Variants in RHBDD1 observed in about 807,000 individuals in gnomAD.
The protein encoded by RHBDD1 is rhomboid-related protein 4.
Under a neutral mutation model 36.3 loss-of-function variants are expected in RHBDD1, and 38 were observed. That is an observed-to-expected ratio of 1.05 (90% CI 0.81 to 1.37). RHBDD1 has a LOEUF of 1.37. RHBDD1 is among the 40% of genes most tolerant of loss of function. RHBDD1 has a pLI of 0.00. For synonymous variants in RHBDD1, 151 were observed against 136.5 expected (o/e 1.11, Z -0.74); for missense variants, 393 against 377.6 (o/e 1.04, Z -0.34).
intron 5 of RHBDD1, among the ~76,000 whole-genome samples, chr2:226,889,834 G>C (rs569420155): frequency 2.6e-4 from 40 of 152,212 alleles, no homozygotes; most frequent in Admixed American, 7.2e-4. Context: ...ACACTTTTTT[G>C]AGTGCCACTC....
intron 5 of RHBDD1, among the ~76,000 whole-genome samples, chr2:226,874,048 A>G (rs942805029): frequency 6.6e-6 from 1 of 152,154 alleles, no homozygotes; most frequent in African/African-American, 2.4e-5. Context: ...GGGAAGTACC[A>G]GACACTTATC....
chr2:226,812,647 C>CTCTCTTTTT, the RHBDD1 span, among the ~76,000 whole-genome samples: 1 of 150,398 alleles, frequency 6.6e-6, no homozygotes, highest in East Asian at 2.0e-4. Flanking sequence ...CTCTCTCTCT[C>CTCTCTTTTT]TTTTTTTTTG....
chr2:226,989,240 A>G (rs1352038525), intron 8 of RHBDD1, among the ~76,000 whole-genome samples: 10 of 152,374 alleles, frequency 6.6e-5, no homozygotes, highest in African/African-American at 2.4e-4. Context: ...GAAACCACTT[A>G]TAACAATGTG....
chr2:226,996,305 G>T lies in RHBDD1; in HGVS notation c.*783G>T, dbSNP rs1394087557. 1 of 152,242 alleles carries T rather than the reference G, an allele frequency of 6.6e-6. No individual in the cohort carries two copies. Among genetic ancestry groups the T allele is most frequent in the Admixed American group, 6.5e-5 (1 of 15,282 alleles). The allele number at this position is 152,242 out of a possible 1,614,324, so 9.4% of individuals were successfully genotyped here. On this transcript the variant is annotated 3_prime_UTR_variant, in exon 9 of 9. Transcript: ENST00000392062. ...CAGCAGATGCCACATACAGAGTAGA[G>T]CGAAGGCATTTGGTGGATCGGTCAC...
intron 8 of RHBDD1, among the ~76,000 whole-genome samples, chr2:226,917,568 G>A (rs889615030): frequency 6.6e-6 from 1 of 152,094 alleles, no homozygotes; most frequent in Admixed American, 6.5e-5. Flanking sequence ...TTGTGAGTAT[G>A]GAGTTACGTT....
chr2:226,914,231 T>C lies in RHBDD1; in HGVS notation c.736T>C (p.Tyr246His). ...AGGCAGCTCTGGATATCAGGATTATTATCCGCATGGCAGGCCAGATCACTA... is the reference window on the plus strand; with the variant it reads ...AGGCAGCTCTGGATATCAGGATTATCATCCGCATGGCAGGCCAGATCACTA... ...SSGSSGYQDY[Y>H]PHGRPDHYEE... Residue 246 changes from tyrosine to histidine, a missense_variant, in exon 8 of 9, where the codon TAT (tyrosine) becomes CAT (histidine). Physicochemically the swap from Tyr to His is moderately conservative, Grantham distance 83. Coordinates refer to ENST00000392062, the MANE Select transcript of RHBDD1 (RefSeq NM_001167608.3). 6.2e-7 allele frequency: 1 copy of C among 1,613,826 alleles called. No individual in the cohort carries two copies. Among genetic ancestry groups the C allele is most frequent in the Non-Finnish European group, 8.5e-7 (1 of 1,179,796 alleles).
intron 5 of RHBDD1, among the ~76,000 whole-genome samples, chr2:226,896,836 A>T (rs1247526866): frequency 6.6e-6 from 1 of 151,854 alleles, no homozygotes; most frequent in East Asian, 1.9e-4. Flanking sequence ...CAGAGTCCCC[A>T]CTATCACCCA....
intron 8 of RHBDD1, among the ~76,000 whole-genome samples, chr2:226,982,156 G>GA (rs1955919899): frequency 6.6e-6 from 1 of 152,248 alleles, no homozygotes. Flanking sequence ...GGGCTGGGAG[G>GA]TTCCCAGTGA....
chr2:226,908,792 C>G lies in RHBDD1; in HGVS notation c.656-30C>G. The G allele has an allele frequency of 2.0e-6, 3 of 1,508,262 alleles. No individual in the cohort carries two copies. The African/African-American group carries it at 4.1e-5, about 21-fold the overall frequency. 93.4% of individuals were successfully genotyped at this position (1,508,262 alleles called of 1,614,324 possible). On this transcript the variant is annotated intron_variant, in intron 6 of 8. Coordinates refer to ENST00000392062, the MANE Select transcript of RHBDD1 (RefSeq NM_001167608.3). ...TTAGCATTTAAAGCTTTATGGCTGC[C>G]ATTAAAATGTTTATTTCTTTTACGT...
intron 8 of RHBDD1, among the ~76,000 whole-genome samples, chr2:226,945,733 A>G (rs189916512): frequency 9.2e-5 from 14 of 152,288 alleles, no homozygotes; most frequent in African/African-American, 3.4e-4. Flanking sequence ...GAATCACCAC[A>G]CTGTCTTCCA....
At chr2:226,840,317 G>C (rs2124952114) in intron 3 of RHBDD1, among the ~76,000 whole-genome samples, 1 of 152,314 alleles carries the variant, frequency 6.6e-6, no homozygotes, top group African/African-American at 2.4e-5. Context: ...GGATCTACGT[G>C]ATGGCCAACT....
intron 5 of RHBDD1, among the ~76,000 whole-genome samples, chr2:226,896,740 G>A (rs1947125929): frequency 6.6e-6 from 1 of 152,092 alleles, no homozygotes; most frequent in Non-Finnish European, 1.5e-5. Context: ...CAGGCCTTAT[G>A]TACCGTGAGT....
chr2:226,915,547 G>A (rs551038275), intron 8 of RHBDD1, among the ~76,000 whole-genome samples: 8 of 152,292 alleles, frequency 5.3e-5, no homozygotes, highest in East Asian at 3.9e-4. Flanking sequence ...GTCATTCTGC[G>A]AAGAAGATTG....
chr2:226,950,989 A>G (rs1015901872), intron 8 of RHBDD1, among the ~76,000 whole-genome samples: 1 of 152,018 alleles, frequency 6.6e-6, no homozygotes, highest in Admixed American at 6.5e-5. Context: ...TTGTTTGTCT[A>G]TTCTTGATTT....
chr2:226,875,901 A>G (rs1056965943), intron 5 of RHBDD1, among the ~76,000 whole-genome samples: 8 of 152,238 alleles, frequency 5.3e-5, no homozygotes, highest in African/African-American at 1.7e-4. Flanking sequence ...TGTTCCTGCA[A>G]GGGCACAGTG....
intron 8 of RHBDD1, among the ~76,000 whole-genome samples, chr2:226,948,169 A>G (rs1299499000): frequency 6.8e-6 from 1 of 146,784 alleles, no homozygotes. Flanking sequence ...AACCAGCGCA[A>G]ATGTCCAACA....
At chr2:226,865,971 C>G (rs1240721263) in intron 4 of RHBDD1, among the ~76,000 whole-genome samples, 1 of 152,198 alleles carries the variant, frequency 6.6e-6, no homozygotes, top group Non-Finnish European at 1.5e-5. Context: ...GGCATGCTGG[C>G]CATGTTTTAG....
chr2:226,936,156 T>G (rs1430347244), intron 8 of RHBDD1, among the ~76,000 whole-genome samples: 1 of 152,162 alleles, frequency 6.6e-6, no homozygotes, highest in African/African-American at 2.4e-5. Context: ...TTGCTTTAGA[T>G]TACTGATTCT....
At chr2:226,930,020 A>G (rs1949925431) in intron 8 of RHBDD1, among the ~76,000 whole-genome samples, 1 of 152,128 alleles carries the variant, frequency 6.6e-6, no homozygotes, top group Non-Finnish European at 1.5e-5. Flanking sequence ...TGATACAAAC[A>G]AACAAATGTA....
Sources: allele counts gnomAD v4.1 joint callset (sites outside exome capture counted in the v4.1 genomes callset), GRCh38; gene constraint gnomAD v4.1.1; transcripts MANE v1.5; gene names NCBI Gene and HGNC (gene_info 2026-07-23, HGNC 2026-07-21).